The following SYT14 variants were observed in gnomAD, a reference collection of about 807,000 sequenced individuals.
SYT14 encodes the protein synaptotagmin 14.
A neutral mutation model predicts 74.2 loss-of-function variants in SYT14; 32 were observed. The ratio of observed to expected loss-of-function variants is 0.43; its 90% CI spans 0.33 to 0.58. The LOEUF (loss-of-function observed/expected upper bound fraction) is 0.58. Ranked by LOEUF, SYT14 falls within the 20% of genes least tolerant of loss-of-function variation. The pLI is 0.05. For synonymous variants in SYT14, 298 were observed against 337.7 expected, an observed-to-expected ratio of 0.88 and a Z score of 1.29; for missense variants, 791 against 981.8, an observed-to-expected ratio of 0.81 and a Z score of 2.60.
intron 5 of SYT14, among the ~76,000 whole-genome samples, chr1:210,046,446 A>C (rs972712908): frequency 6.6e-6 from 1 of 152,082 alleles, no homozygotes; most frequent in African/African-American, 2.4e-5. Flanking sequence ...AACTTTACTG[A>C]ATGGTATAGC....
In SYT14 at chr1:210,134,378, A is replaced by G. The variant is rs527429738; in HGVS notation, c.2035-21343A>G. Among the ~76,000 whole-genome samples the G allele has an allele frequency of 1.4e-4, 21 of 152,238 alleles. No individual in the cohort carries two copies. In the East Asian group the frequency reaches 3.9e-3, roughly 28 times the overall value. On this transcript the variant is annotated intron_variant, in intron 7 of 9. Coordinates refer to ENST00000637265, the Ensembl canonical transcript of SYT14. ...CGCTTCAGCCTCCCAAAGTGCTGGG[A>G]TTACAGGTGTGAGCCACCACACCCT...
exon 4 of SYT14, chr1:210,016,007 G>A: frequency 1.6e-6 from 2 of 1,231,990 alleles, no homozygotes; most frequent in East Asian, 3.2e-5. Context: ...TTAGAAAATG[G>A]CATTTTTCAG....
intron 5 of SYT14, among the ~76,000 whole-genome samples, chr1:210,046,933 T>A (rs1026376579): frequency 6.6e-6 from 1 of 152,128 alleles, no homozygotes; most frequent in South Asian, 2.1e-4. Context: ...ATCATCCCCA[T>A]TCTATAAAAG....
chr1:209,972,106 G>C (rs542046922), intron 2 of SYT14, among the ~76,000 whole-genome samples: 90 of 152,090 alleles, frequency 5.9e-4, no homozygotes, highest in African/African-American at 2.2e-3. Context: ...TTCTTGAGAC[G>C]ATCTTGGGAG....
chr1:210,063,063 A>C (rs1239496635), intron 5 of SYT14, among the ~76,000 whole-genome samples: 4 of 150,324 alleles, frequency 2.7e-5, no homozygotes, highest in Non-Finnish European at 5.9e-5. Flanking sequence ...GTTGACCCAA[A>C]ATTTTTATAT....
chr1:210,031,605 G>A (rs1414976751), intron 5 of SYT14, among the ~76,000 whole-genome samples: 4 of 152,084 alleles, frequency 2.6e-5, no homozygotes, highest in African/African-American at 7.2e-5. Flanking sequence ...TATTCAGGTC[G>A]TCTGTTTCTT....
At chr1:210,024,048 G>T (rs1201536295) in intron 5 of SYT14, among the ~76,000 whole-genome samples, 1 of 152,166 alleles carries the variant, frequency 6.6e-6, no homozygotes, top group Non-Finnish European at 1.5e-5. Flanking sequence ...GGGATGGAGA[G>T]AAATCCACTT....
intron 2 of SYT14, among the ~76,000 whole-genome samples, chr1:210,010,998 A>G (rs1035007175): frequency 3.3e-5 from 5 of 152,192 alleles, no homozygotes; most frequent in Non-Finnish European, 5.9e-5. Flanking sequence ...TCTGTTATCA[A>G]TAACTAGCTT....
chr1:210,088,427 C>A (rs2081787120), intron 5 of SYT14, among the ~76,000 whole-genome samples: 1 of 151,984 alleles, frequency 6.6e-6, no homozygotes, highest in African/African-American at 2.4e-5. Context: ...TCAATTCCCA[C>A]TTATGAGTGA....
intron 2 of SYT14, among the ~76,000 whole-genome samples, chr1:210,007,413 T>C (rs1164655291): frequency 1.3e-5 from 2 of 152,032 alleles, no homozygotes; most frequent in Non-Finnish European, 2.9e-5. Flanking sequence ...ATAGAGTATC[T>C]TTAGTTTTTA....
At chr1:210,065,210 G>T (rs148663497) in intron 5 of SYT14, among the ~76,000 whole-genome samples, 2 of 151,898 alleles carry the variant, frequency 1.3e-5, no homozygotes, top group Non-Finnish European at 2.9e-5. Context: ...CTATGGTTTC[G>T]CTTTGTCCCC....
chr1:210,105,445 G>T (rs1052315623), intron 7 of SYT14, among the ~76,000 whole-genome samples: 1 of 152,176 alleles, frequency 6.6e-6, no homozygotes, highest in Admixed American at 6.5e-5. Flanking sequence ...GCCTCTTTGA[G>T]CTTTGAAGGA....
chr1:209,954,833 G>A lies in SYT14; in HGVS notation c.-486+2077G>A, dbSNP rs568195257. Among the ~76,000 whole-genome samples, 4 of 151,946 alleles carry A rather than the reference G, an allele frequency of 2.6e-5. No homozygotes were observed. In the East Asian group the frequency reaches 5.8e-4, roughly 22 times the overall value. ...CTATTCTCATGCCTCAGCCTCCCAA[G>A]TAGCTGGGATTACAGGCGCATGCCA... On this transcript the variant is annotated intron_variant, in intron 2 of 9. Transcript: ENST00000637265.
exon 10 of SYT14, chr1:210,166,219 C>T (rs957339334): frequency 6.6e-6 from 1 of 152,160 alleles, no homozygotes; most frequent in African/African-American, 2.4e-5. Flanking sequence ...TTTCCAAGAA[C>T]AAAATGTAAA....
chr1:210,065,990 C>A (rs2081288956), intron 5 of SYT14, among the ~76,000 whole-genome samples: 1 of 150,112 alleles, frequency 6.7e-6, no homozygotes, highest in South Asian at 2.1e-4. Context: ...GGTTTTTTGT[C>A]CTTGTGATAG....
chr1:210,052,666 A>AAAAAAAAG (rs2081022386), intron 5 of SYT14, among the ~76,000 whole-genome samples: 1 of 90,630 alleles, frequency 1.1e-5, no homozygotes, highest in African/African-American at 6.0e-5. Context: ...ACATCTCACC[A>AAAAAAAAG]AAAAAAAAAA....
At chr1:210,075,989 A>T (rs1322118880) in intron 5 of SYT14, among the ~76,000 whole-genome samples, 2 of 152,216 alleles carry the variant, frequency 1.3e-5, no homozygotes. Context: ...CCTTAAGCAA[A>T]CAACTTTAAA....
intron 2 of SYT14, among the ~76,000 whole-genome samples, chr1:209,964,942 A>C (rs1198374227): frequency 6.6e-6 from 1 of 152,220 alleles, no homozygotes; most frequent in Non-Finnish European, 1.5e-5. Flanking sequence ...CTGAGGGTCA[A>C]GTTCCCAGAT....
At chr1:210,142,277 G>A (rs1219158274) in intron 7 of SYT14, among the ~76,000 whole-genome samples, 1 of 152,090 alleles carries the variant, frequency 6.6e-6, no homozygotes, top group African/African-American at 2.4e-5. Context: ...TGGGAATAGG[G>A]TATATTTAAA....
Sources: allele counts gnomAD v4.1 joint callset (sites outside exome capture counted in the v4.1 genomes callset), GRCh38; gene constraint gnomAD v4.1.1; transcripts MANE v1.5; gene names NCBI Gene and HGNC (gene_info 2026-07-23, HGNC 2026-07-21).